CLASP1: variants seen among roughly 807,000 people sequenced by gnomAD.
The protein encoded by CLASP1 is CLIP-associating protein 1.
CLASP1 carries 38 observed loss-of-function variants against 192.3 expected under a neutral mutation model. That is an observed-to-expected ratio of 0.20 (90% CI 0.15 to 0.26). The LOEUF is 0.26. Ranked by LOEUF, CLASP1 falls within the 10% of genes least tolerant of loss-of-function variation. The pLI, the probability that CLASP1 is intolerant of heterozygous loss-of-function variation, is 1.00. For missense variants in CLASP1, 1,433 were observed against 1,932.5 expected (o/e 0.74, Z 4.85); for synonymous variants, 691 against 712.8 (o/e 0.97, Z 0.49).
intron 2 of CLASP1, among the ~76,000 whole-genome samples, chr2:121,588,503 AATAATGAAG>A (rs1403756359): frequency 1.3e-5 from 2 of 152,210 alleles, no homozygotes; most frequent in Admixed American, 6.5e-5. Flanking sequence ...TGAAAGCCCA[AATAATGAAG>A]ATCATCAGAA....
At chr2:121,583,872 T>C (rs2061458150) in intron 2 of CLASP1, among the ~76,000 whole-genome samples, 1 of 151,498 alleles carries the variant, frequency 6.6e-6, no homozygotes, top group Non-Finnish European at 1.5e-5. Flanking sequence ...TTTATGAAAG[T>C]GTTAGGGTCT....
At chr2:121,552,420 G>A (rs1019225053) in intron 2 of CLASP1, among the ~76,000 whole-genome samples, 3 of 152,130 alleles carry the variant, frequency 2.0e-5, no homozygotes, top group Admixed American at 1.3e-4. Flanking sequence ...CAGAATGGGA[G>A]AAAATATTTG....
chr2:121,610,088 T>C (rs1178566804), intron 1 of CLASP1, among the ~76,000 whole-genome samples: 1 of 151,936 alleles, frequency 6.6e-6, no homozygotes, highest in Non-Finnish European at 1.5e-5. Context: ...AATTAAATCA[T>C]AAAAAGAGAA....
intron 8 of CLASP1, among the ~76,000 whole-genome samples, chr2:121,473,607 T>C (rs2091140240): frequency 6.6e-6 from 1 of 151,940 alleles, no homozygotes; most frequent in African/African-American, 2.4e-5. Flanking sequence ...ATAGAAACTA[T>C]AAACCTACAG....
chr2:121,410,027 G>A (rs1422485109), intron 24 of CLASP1, among the ~76,000 whole-genome samples: 3 of 152,188 alleles, frequency 2.0e-5, no homozygotes, highest in African/African-American at 7.2e-5. Context: ...ATGTTGATCT[G>A]ACAAAACATG....
chr2:121,506,607 C>T (rs879616775), intron 7 of CLASP1, among the ~76,000 whole-genome samples: 19 of 152,186 alleles, frequency 1.2e-4, no homozygotes, highest in Non-Finnish European at 2.5e-4. Flanking sequence ...AGGCTGTGCA[C>T]ATGCACAGGC....
At chr2:121,605,306 T>A (rs1159548432) in intron 2 of CLASP1, among the ~76,000 whole-genome samples, 2 of 152,178 alleles carry the variant, frequency 1.3e-5, no homozygotes, top group Non-Finnish European at 2.9e-5. Context: ...TTATTACCAA[T>A]TCAATCCCCC....
At chr2:121,630,229 A>C (rs2069243641) in intron 1 of CLASP1, among the ~76,000 whole-genome samples, 1 of 152,076 alleles carries the variant, frequency 6.6e-6, no homozygotes, top group Non-Finnish European at 1.5e-5. Flanking sequence ...CTCTATTCCT[A>C]TTCTTTCTAG....
At chr2:121,341,873 A>C (rs1002967649) in intron 39 of CLASP1, among the ~76,000 whole-genome samples, 5 of 152,250 alleles carry the variant, frequency 3.3e-5, no homozygotes, top group Non-Finnish European at 4.4e-5. Context: ...TTTGTGATTT[A>C]ACATATGGTT....
chr2:121,440,557 T>G (rs1356262031), intron 19 of CLASP1, among the ~76,000 whole-genome samples: 1 of 152,102 alleles, frequency 6.6e-6, no homozygotes, highest in East Asian at 1.9e-4. Context: ...CAGGGCATGG[T>G]GTTGCACACC....
At chr2:121,428,391 T>A (rs2080818390) in intron 20 of CLASP1, among the ~76,000 whole-genome samples, 1 of 152,248 alleles carries the variant, frequency 6.6e-6, no homozygotes, top group Non-Finnish European at 1.5e-5. Context: ...AATTACATGC[T>A]TAGGCATTTT....
intron 23 of CLASP1, among the ~76,000 whole-genome samples, chr2:121,411,928 TTAAGA>T (rs1231654346): frequency 6.6e-6 from 1 of 152,192 alleles, no homozygotes; most frequent in Non-Finnish European, 1.5e-5. Context: ...AAGAAAAATG[TTAAGA>T]TAAAATATTT....
At chr2:121,543,374 A>G (rs1426432944) in intron 2 of CLASP1, among the ~76,000 whole-genome samples, 1 of 152,218 alleles carries the variant, frequency 6.6e-6, no homozygotes, top group African/African-American at 2.4e-5. Flanking sequence ...TGTGGGTCAT[A>G]TCCAGTCACA....
intron 8 of CLASP1, among the ~76,000 whole-genome samples, chr2:121,475,163 T>C (rs372604809): frequency 2.0e-5 from 3 of 152,176 alleles, no homozygotes; most frequent in Non-Finnish European, 2.9e-5. Context: ...CCCATCTCGA[T>C]TGGAAATTCA....
intron 8 of CLASP1, among the ~76,000 whole-genome samples, chr2:121,484,452 C>A (rs531159131): frequency 2.4e-4 from 37 of 152,198 alleles, no homozygotes; most frequent in Admixed American, 1.0e-3. Context: ...ATCCCATGGT[C>A]CCCTTTGTCC....
At chr2:121,575,441 A>C (rs2060420622) in intron 2 of CLASP1, among the ~76,000 whole-genome samples, 1 of 152,174 alleles carries the variant, frequency 6.6e-6, no homozygotes, top group Non-Finnish European at 1.5e-5. Context: ...TTTTTCAAAA[A>C]AGGGAGGCTT....
At chr2:121,421,342 G>A (rs1275710509) in intron 22 of CLASP1, among the ~76,000 whole-genome samples, 1 of 152,026 alleles carries the variant, frequency 6.6e-6, no homozygotes, top group African/African-American at 2.4e-5. Context: ...TGCAACCTCC[G>A]CCTCCTGGGT....
chr2:121,451,604 C>T (rs564039360), intron 15 of CLASP1, among the ~76,000 whole-genome samples, 186 bp downstream of exon 15: 2 of 152,288 alleles, frequency 1.3e-5, no homozygotes, highest in African/African-American at 4.8e-5. Context: ...GTATTTCAAC[C>T]AATGAAATTC....
At chr2:121,366,648 T>C (rs1391092939) in intron 35 of CLASP1, among the ~76,000 whole-genome samples, 1 of 152,246 alleles carries the variant, frequency 6.6e-6, no homozygotes, top group Non-Finnish European at 1.5e-5. Context: ...TGGCAACCCA[T>C]ACACTTCATG....
Sources: gnomAD v4.1 joint callset for allele counts (sites outside exome capture counted in the v4.1 genomes callset) on GRCh38, gnomAD v4.1.1 for gene constraint, MANE v1.5 for transcripts, NCBI Gene and HGNC (gene_info 2026-07-23, HGNC 2026-07-21) for gene names.